The following OPN5 variants were observed in gnomAD, a reference collection of about 807,000 sequenced individuals.
OPN5 encodes opsin 5, also known as opsin-5.
Under a neutral mutation model 41.7 loss-of-function variants are expected in OPN5, and 18 were observed. That is an observed-to-expected ratio of 0.43 (90% CI 0.30 to 0.64). The LOEUF (loss-of-function observed/expected upper bound fraction) is 0.64, where lower values mean the gene tolerates loss of function less well. OPN5 is among the 30% of genes least tolerant of loss of function. The probability of loss-of-function intolerance (pLI) is 0.13; values close to 1 mark genes in which losing one functional copy is unlikely to be tolerated. For missense variants in OPN5, 318 were observed against 434.5 expected (o/e 0.73, Z 2.38); for synonymous variants, 178 against 164.3 (o/e 1.08, Z -0.64).
chr6:47,801,563 C>CA (rs1049606425), intron 4 of OPN5, among the ~76,000 whole-genome samples: 8 of 152,224 alleles, frequency 5.3e-5, no homozygotes, highest in African/African-American at 1.9e-4. Flanking sequence ...AAAAAACCCC[C>CA]AAAACCAATT....
At chr6:47,791,173 T>C (rs1773358553) in intron 2 of OPN5, among the ~76,000 whole-genome samples, 1 of 152,166 alleles carries the variant, frequency 6.6e-6, no homozygotes, top group Non-Finnish European at 1.5e-5. Context: ...GTCCCAGGAA[T>C]GTAAGTATGT....
At chr6:47,795,778 TCACA>T (rs57933636) in intron 4 of OPN5, among the ~76,000 whole-genome samples, 6,448 of 142,754 alleles carry the variant, frequency 0.045, 271 homozygotes, top group African/African-American at 0.12. Context: ...TCTCTCTCTC[TCACA>T]CACACACACA....
chr6:47,813,145 C>A (rs894006070), intron 6 of OPN5, among the ~76,000 whole-genome samples: 7 of 152,038 alleles, frequency 4.6e-5, no homozygotes, highest in African/African-American at 1.5e-4. Context: ...CTTATGCCTG[C>A]ATATCAAAGT....
At chr6:47,804,135 C>G (rs1463115175) in intron 4 of OPN5, among the ~76,000 whole-genome samples, 3 of 152,134 alleles carry the variant, frequency 2.0e-5, no homozygotes, top group Non-Finnish European at 4.4e-5. Context: ...GGCTATATCC[C>G]TTGGTCCTCT....
intron 6 of OPN5, among the ~76,000 whole-genome samples, chr6:47,821,929 A>G (rs1034935330): frequency 5.3e-5 from 8 of 152,080 alleles, no homozygotes; most frequent in African/African-American, 1.9e-4. Context: ...CCTGGCCAAT[A>G]TGGCAAAACC....
chr6:47,795,761 TTCTCTC>T (rs112984403), intron 4 of OPN5, among the ~76,000 whole-genome samples, 198 bp downstream of exon 4: 12 of 136,880 alleles, frequency 8.8e-5, no homozygotes, highest in African/African-American at 2.7e-4. Flanking sequence ...CACTTCTCTC[TTCTCTC>T]TCTCTCTCTC....
At chr6:47,816,040 T>G (rs142940754) in intron 6 of OPN5, among the ~76,000 whole-genome samples, 139 of 152,240 alleles carry the variant, frequency 9.1e-4, no homozygotes, top group African/African-American at 3.1e-3. Flanking sequence ...AGAGAAAAAA[T>G]TCTTTCAGGT....
At chr6:47,795,112 C>A in intron 3 of OPN5, 117 bp from the exon 4 acceptor site, 1 of 823,936 alleles carries the variant, frequency 1.2e-6, no homozygotes, top group East Asian at 2.7e-5. Flanking sequence ...AGTTATCTGC[C>A]CAGGTCTCCC....
chr6:47,823,945 G>T (rs1273585735), intron 6 of OPN5, 38 bp from the exon 7 acceptor site: 7 of 1,520,550 alleles, frequency 4.6e-6, no homozygotes, highest in Non-Finnish European at 6.3e-6. Flanking sequence ...TACTGGCTGT[G>T]TGCCTCACCC....
chr6:47,801,507 G>T (rs926100522), intron 4 of OPN5, among the ~76,000 whole-genome samples: 2 of 152,082 alleles, frequency 1.3e-5, no homozygotes, highest in African/African-American at 4.8e-5. Context: ...GACCCCCTGT[G>T]TGGACTCTAA....
chr6:47,817,018 C>T (rs372121674), intron 6 of OPN5, among the ~76,000 whole-genome samples: 246 of 152,198 alleles, frequency 1.6e-3, no homozygotes, highest in African/African-American at 5.5e-3. Context: ...GTGAGAAACA[C>T]ACTAAGATTC....
Position 47,795,515 on chromosome 6 carries a change from C to T in OPN5, c.708C>T (p.Phe236=), listed in dbSNP as rs147166709. 17 of 1,613,994 alleles carry T rather than the reference C, an allele frequency of 1.1e-5. No individual in the cohort carries two copies. The East Asian group carries it at 1.1e-4, about 11-fold the overall frequency. ...CCTCTTCCAAAGAAGTAGCTCATTT[C>T]GACAGTCGGATCCATAGCAGCCATG... The change falls in exon 4 of 7, where the codon TTC becomes TTT. Residue 236 remains phenylalanine (F), a synonymous_variant. Coordinates refer to ENST00000371211, the Ensembl canonical transcript of OPN5.
chr6:47,797,013 C>G (rs147920874), intron 4 of OPN5, among the ~76,000 whole-genome samples: 1 of 152,152 alleles, frequency 6.6e-6, no homozygotes, highest in Non-Finnish European at 1.5e-5. Context: ...TTTATAGAAC[C>G]ATCAGATCTT....
intron 4 of OPN5, among the ~76,000 whole-genome samples, chr6:47,795,991 TACC>T (rs545798729): frequency 3.4e-4 from 52 of 152,354 alleles, no homozygotes; most frequent in African/African-American, 1.3e-3. Flanking sequence ...AGGGACATTC[TACC>T]ACTTGAATTA....
chr6:47,785,408 A>G (rs1179125605), intron 1 of OPN5, among the ~76,000 whole-genome samples: 2 of 152,182 alleles, frequency 1.3e-5, no homozygotes, highest in South Asian at 4.1e-4. Context: ...TAAGAGCACA[A>G]TGCAGTTAGT....
At chr6:47,788,781 A>C (rs956377850) in intron 2 of OPN5, among the ~76,000 whole-genome samples, 1 of 127,164 alleles carries the variant, frequency 7.9e-6, no homozygotes, top group Non-Finnish European at 1.6e-5. Context: ...TCTTAGGATA[A>C]AGTCGTGTTA....
chr6:47,825,554 A>C (rs2114025177), downstream of OPN5: 1 of 152,296 alleles, frequency 6.6e-6, no homozygotes, highest in African/African-American at 2.4e-5. Flanking sequence ...ACAGATGAAC[A>C]TGAGTCTTCA....
chr6:47,811,909 T>C (rs1774221219), intron 6 of OPN5, 178 bp downstream of exon 6: 1 of 449,750 alleles, frequency 2.2e-6, no homozygotes, highest in African/African-American at 2.0e-5. Flanking sequence ...GGAAACTAGA[T>C]TACAGGATAC....
downstream of OPN5, chr6:47,825,700 T>C (rs1161591584): frequency 2.0e-5 from 3 of 152,200 alleles, no homozygotes; most frequent in Non-Finnish European, 4.4e-5. Context: ...GGCAGGAATA[T>C]GACAGAAAAA....
Sources: allele counts gnomAD v4.1 joint callset (sites outside exome capture counted in the v4.1 genomes callset), GRCh38; gene constraint gnomAD v4.1.1; transcripts MANE v1.5; gene names NCBI Gene and HGNC (gene_info 2026-07-23, HGNC 2026-07-21).